Variants in WDR81 observed in about 807,000 individuals in gnomAD.
WDR81 encodes the protein WD repeat-containing protein 81.
WDR81 carries 92 observed loss-of-function variants against 140.8 expected under a neutral mutation model. The observed-to-expected ratio is 0.65, with a 90% CI of 0.55 to 0.78. The LOEUF (loss-of-function observed/expected upper bound fraction) is 0.78, where lower values mean the gene tolerates loss of function less well. Ranked by LOEUF, WDR81 falls within the 30% of genes least tolerant of loss-of-function variation. The pLI is 0.00. For missense variants in WDR81, 2,502 were observed against 2,636.4 expected (o/e 0.95, Z 1.12); for synonymous variants, 1,183 against 1,156.4 (o/e 1.02, Z -0.47).
At chr17:1,734,287 C>CGAGGGTGGGGCTGTAATGCTGCG in intron 7 of WDR81, 71 bp downstream of exon 7, 1 of 1,447,836 alleles carries the variant, frequency 6.9e-7, no homozygotes, top group Non-Finnish European at 9.1e-7. Context: ...GAAGGGGGCC[C>CGAGGGTGGGGCTGTAATGCTGCG]GAGGGTGGGG....
intron 1 of WDR81, among the ~76,000 whole-genome samples, chr17:1,729,338 G>C (rs1915523655): frequency 6.6e-6 from 1 of 152,052 alleles, no homozygotes; most frequent in Admixed American, 6.6e-5. Context: ...AAATTAGCCA[G>C]GCGTGGTGGC....
At chr17:1,731,846 G>A (rs936920810) in intron 4 of WDR81, among the ~76,000 whole-genome samples, 1 of 151,862 alleles carries the variant, frequency 6.6e-6, no homozygotes, top group Non-Finnish European at 1.5e-5. Context: ...AGAATTGCTT[G>A]AACCCAGGAA....
At chr17:1,734,796 G>A (rs1009969640) in intron 7 of WDR81, among the ~76,000 whole-genome samples, 2 of 151,008 alleles carry the variant, frequency 1.3e-5, no homozygotes, top group African/African-American at 4.9e-5. Flanking sequence ...AAAAAAAGAA[G>A]AAGATAACAC....
At chr17:1,730,556 C>G in intron 2 of WDR81, 69 bp downstream of exon 2, 1 of 1,506,128 alleles carries the variant, frequency 6.6e-7, no homozygotes, top group Non-Finnish European at 9.0e-7. Flanking sequence ...CTTCAGCGCT[C>G]TCCGGCGGGG....
rs1423856745 is a variant in WDR81 at position 1,727,625 on chromosome 17, C to A, written c.2666C>A (p.Ala889Glu). Residue 889 changes from alanine (A) to glutamate (E), a missense_variant, in exon 1 of 10, where the codon GCA becomes GAA. This residue lies in a region of WDR81 where 1,737 missense variants were observed against 1,843.0 expected (regional missense o/e 0.94). Coordinates refer to ENST00000409644, the MANE Select transcript of WDR81 (RefSeq NM_001163809.2). ...CACAGATTCATCCTCCTGTACCAGG[C>A]AAGGCGTGTGGAGGACGAGGCCCAG... The part of the protein sequence containing the change: ...ALHRFILLYQ[A>E]RRVEDEAQGR... 3 of 1,550,444 alleles carry A rather than the reference C, an allele frequency of 1.9e-6. No individual in the cohort carries two copies. In the African/African-American group the frequency reaches 4.1e-5, roughly 21 times the overall value.
Position 1,738,557 on chromosome 17 carries a change from T to A in WDR81, c.*872T>A, listed in dbSNP as rs1905082142. On this transcript the variant is annotated 3_prime_UTR_variant, in exon 10 of 10. Transcript: ENST00000409644. Reference sequence around the variant, plus strand: ...TCTCACAATTTGCAATAGATGTAAATAGGACCAATAAATCCTTTGGAAGAG... The same window carrying A: ...TCTCACAATTTGCAATAGATGTAAAAAGGACCAATAAATCCTTTGGAAGAG... 6.6e-6 allele frequency: 1 copy of A among 152,270 alleles called. No individual in the cohort carries two copies. Among genetic ancestry groups the A allele is most frequent in the South Asian group, 2.1e-4 (1 of 4,846 alleles). The allele number at this position is 152,270 out of a possible 1,614,324, so 9.4% of individuals were successfully genotyped here.
At chr17:1,722,769 T>C (rs1209855923), upstream of WDR81, among the ~76,000 whole-genome samples, 74 of 150,708 alleles carry the variant, frequency 4.9e-4, no homozygotes, top group Non-Finnish European at 3.0e-5. Context: ...CTCAGCTCAC[T>C]GCAACCTCCG....
Position 1,725,203 on chromosome 17 carries a change from C to T in WDR81, c.244C>T (p.Leu82=). The T allele has an allele frequency of 6.5e-7, 1 of 1,538,256 alleles. No homozygotes were observed. Among genetic ancestry groups the T allele is most frequent in the Middle Eastern group, 1.7e-4 (1 of 5,956 alleles). ...GGGACCCTGTCCCCGCGCAGAGGGC[C>T]TGGGAGAAGCGGAAGTCAGGACTCT... The part of the protein sequence containing the change: ...PLGPCPRAEG[L]GEAEVRTLLQ... Residue 82 remains leucine (L), a synonymous_variant, in exon 1 of 10, where the codon CTG becomes TTG. Transcript: ENST00000409644.
Position 1,725,432 on chromosome 17 carries a change from AC to A in WDR81, c.474del (p.Tyr158Ter), listed in dbSNP as rs1315257186. 1 of 1,549,336 alleles carries A rather than the reference AC, an allele frequency of 6.5e-7. No individual in the cohort carries two copies. The highest frequency in any genetic ancestry group is 8.7e-7 in the Non-Finnish European group (1 of 1,146,982). ...CTGTGGCGCCATGCATACCACACTT[AC>A]GGCCAGCCGTACAGTCACAGCCCTG... ...RNLWRHAYHT[Y>X]GQPYSHSPAP... On this transcript the variant is annotated frameshift_variant, in exon 1 of 10. Transcript: ENST00000409644. LOFTEE classifies it high-confidence loss of function.
At chr17:1,720,387 C>T (rs894842375), upstream of WDR81, among the ~76,000 whole-genome samples, 2 of 152,222 alleles carry the variant, frequency 1.3e-5, no homozygotes, top group Admixed American at 6.5e-5. Flanking sequence ...CGTTACTTCT[C>T]AAGACATAGC....
At chr17:1,736,452 G>A (rs1000925495) in intron 9 of WDR81, among the ~76,000 whole-genome samples, 2 of 152,202 alleles carry the variant, frequency 1.3e-5, no homozygotes, top group African/African-American at 4.8e-5. Context: ...GGGGCAGTGG[G>A]GCGGGAGCTA....
Position 1,724,793 on chromosome 17 carries a change from G to T in WDR81, c.-167G>T. On this transcript the variant is annotated 5_prime_UTR_variant, in exon 1 of 10. Transcript: ENST00000409644. ...GCGCAGGACCCGCGGAGGGGTAAGCGCGCCCCCCGTCCGCCTCTTCGCCGC... is the reference window on the plus strand; with the variant it reads ...GCGCAGGACCCGCGGAGGGGTAAGCTCGCCCCCCGTCCGCCTCTTCGCCGC... The T allele has an allele frequency of 4.2e-6, 5 of 1,181,324 alleles. No individual in the cohort carries two copies. Among genetic ancestry groups the T allele is most frequent in the Non-Finnish European group, 5.2e-6 (5 of 955,364 alleles). 73.2% of individuals were successfully genotyped at this position (1,181,324 alleles called of 1,614,324 possible).
At chr17:1,737,176 T>TA (rs1904944556) in intron 9 of WDR81, among the ~76,000 whole-genome samples, 189 bp from the exon 10 acceptor site, 1 of 152,174 alleles carries the variant, frequency 6.6e-6, no homozygotes, top group African/African-American at 2.4e-5. Context: ...ACGACTGGGT[T>TA]ACGGATGCTG....
intron 4 of WDR81, 149 bp from the exon 5 acceptor site, chr17:1,732,176 G>A (rs1904405596): frequency 4.7e-6 from 5 of 1,060,654 alleles, no homozygotes; most frequent in African/African-American, 3.2e-5. Flanking sequence ...GGCAGAGGTT[G>A]CAGTGAGCCG....
intron 1 of WDR81, among the ~76,000 whole-genome samples, chr17:1,729,229 C>T (rs1040809790): frequency 3.9e-5 from 6 of 152,232 alleles, no homozygotes; most frequent in Non-Finnish European, 8.8e-5. Context: ...CCTCTAATCC[C>T]AGCACTTTGG....
chr17:1,727,712 CT>C lies in WDR81; in HGVS notation c.2754del (p.Glu919ArgfsTer45), dbSNP rs748185921. The C allele has an allele frequency of 1.3e-6, 2 of 1,550,578 alleles. No homozygotes were observed. Among genetic ancestry groups the C allele is most frequent in the Non-Finnish European group, 1.7e-6 (2 of 1,147,004 alleles). On this transcript the variant is annotated frameshift_variant, in exon 1 of 10. Coordinates refer to ENST00000409644, the MANE Select transcript of WDR81 (RefSeq NM_001163809.2). LOFTEE classifies it high-confidence loss of function. ...GGCGCGGTGCTGAAGGACATCACCC[CT>C]GAGGGCCTGGAGATCCTGCTGCCCT... ...QLGAVLKDIT[P>X]EGLEILLPFV... is the part of the protein sequence containing the mutation.
chr17:1,730,786 T>C lies in WDR81; in HGVS notation c.3807T>C (p.Ser1269=). The change falls in exon 3 of 10, where the codon AGT becomes AGC. Residue 1269 remains serine (S), a synonymous_variant. Transcript: ENST00000409644. ...CTCGGCAGCAGTTCACAGTGAGCAG[T>C]GGCGAGAGCCCACCGCTGAGCGCCG... The part of the protein sequence containing the change: ...GPTRQQFTVS[S]GESPPLSAGN... 6.2e-7 allele frequency: 1 copy of C among 1,611,918 alleles called. No homozygotes were observed. Among genetic ancestry groups the C allele is most frequent in the Non-Finnish European group, 8.5e-7 (1 of 1,179,742 alleles).
Position 1,732,399 on chromosome 17 carries a change from G to A in WDR81, c.4232G>A (p.Arg1411His), listed in dbSNP as rs763763059. Residue 1411 changes from arginine (R) to histidine (H), a missense_variant, in exon 5 of 10, where the codon CGC becomes CAC. Physicochemically the swap from Arg to His is conservative, Grantham distance 29. Transcript: ENST00000409644. ...AGCCTCATCGCCCTCATCTGCCTGC[G>A]CATTGGACAGGAGATGGTCCAGCAG... ...TISLIALICL[R>H]IGQEMVQQHL... is the part of the protein sequence containing the mutation. 7.4e-6 allele frequency: 12 copies of A among 1,613,528 alleles called. No homozygotes were observed. In the East Asian group the frequency reaches 8.9e-5, roughly 12 times the overall value.
At chr17:1,733,056 T>TG in intron 6 of WDR81, 1 of 557,688 alleles carries the variant, frequency 1.8e-6, no homozygotes, top group Admixed American at 3.7e-5. Context: ...GTAGTGTCCC[T>TG]GGGGAAGGCA....
Sources: allele counts gnomAD v4.1 joint callset (sites outside exome capture counted in the v4.1 genomes callset), GRCh38; gene constraint gnomAD v4.1.1; regional missense constraint gnomAD v4.1.1; transcripts MANE v1.5; gene names NCBI Gene and HGNC (gene_info 2026-07-23, HGNC 2026-07-21).